The following MX2 variants were observed in gnomAD, a reference collection of about 807,000 sequenced individuals.
The protein encoded by MX2 is MX dynamin like GTPase 2, also known as interferon-induced GTP-binding protein Mx2.
MX2 carries 51 observed loss-of-function variants against 74.0 expected under a neutral mutation model. The observed-to-expected ratio is 0.69, with a 90% confidence interval of 0.55 to 0.87. The LOEUF (loss-of-function observed/expected upper bound fraction) is 0.87, where lower values mean the gene tolerates loss of function less well. Ranked by LOEUF, MX2 falls within the 40% of genes least tolerant of loss-of-function variation. The pLI is 0.00. For synonymous variants in MX2, 369 were observed against 339.3 expected (o/e 1.09, Z -0.96); for missense variants, 832 against 908.7 (o/e 0.92, Z 1.09).
intron 1 of MX2, chr21:41,373,886 C>G (rs559333364): frequency 3.3e-5 from 5 of 152,254 alleles, no homozygotes; most frequent in South Asian, 4.1e-4. Flanking sequence ...ACTGCACCCC[C>G]CTCCTAAACA....
intron 5 of MX2, among the ~76,000 whole-genome samples, chr21:41,386,067 G>A (rs980389929): frequency 3.3e-5 from 5 of 151,704 alleles, no homozygotes; most frequent in South Asian, 2.1e-4. Context: ...TTGAGAGGCC[G>A]AGGCGGGTAG....
intron 13 of MX2, among the ~76,000 whole-genome samples, chr21:41,407,353 A>G (rs2089900814): frequency 6.6e-6 from 1 of 152,226 alleles, no homozygotes; most frequent in Non-Finnish European, 1.5e-5. Context: ...TTGTGACTAT[A>G]AACTAGCTTT....
intron 1 of MX2, among the ~76,000 whole-genome samples, chr21:41,375,503 C>G (rs2089389031): frequency 6.6e-6 from 1 of 152,232 alleles, no homozygotes; most frequent in African/African-American, 2.4e-5. Flanking sequence ...AATCTGTGCT[C>G]TCCTCCCAGC....
Position 41,408,226 on chromosome 21 carries a change from T to A in MX2, c.2141T>A (p.Ile714Asn), listed in dbSNP as rs1482235126. 2 of 1,613,916 alleles carry A rather than the reference T, an allele frequency of 1.2e-6. No individual in the cohort carries two copies. The highest frequency in any genetic ancestry group is 8.5e-7 in the Non-Finnish European group (1 of 1,179,798). ...HALCQFSSKEIH is the reference protein window; with the variant it reads ...HALCQFSSKENH ...CTCTGTCAATTCTCCAGCAAAGAGA[T>A]CCACTGAAGGGCGGCGATGCCTGTG... The change falls in exon 14 of 14, where the codon ATC (isoleucine) becomes AAC (asparagine). Residue 714 changes from isoleucine (I) to asparagine (N), a missense_variant. By Grantham distance (149) the Ile-to-Asn change is moderately radical. Coordinates refer to ENST00000330714, the MANE Select transcript of MX2 (RefSeq NM_002463.2).
chr21:41,381,137 G>T (rs2838031), intron 4 of MX2, among the ~76,000 whole-genome samples: 1 of 152,120 alleles, frequency 6.6e-6, no homozygotes, highest in Admixed American at 6.5e-5. Context: ...TCCAATTTCC[G>T]TGTTCACCCC....
chr21:41,376,731 T>G, intron 1 of MX2, 105 bp from the exon 2 acceptor site: 2 of 781,086 alleles, frequency 2.6e-6, no homozygotes, highest in Non-Finnish European at 4.1e-6. Context: ...CATCTGTGTG[T>G]AGGGGGTAGG....
intron 6 of MX2, among the ~76,000 whole-genome samples, chr21:41,391,348 G>A (rs544150007): frequency 3.2e-4 from 48 of 151,082 alleles, no homozygotes; most frequent in Admixed American, 3.0e-3. Context: ...TCCTCTCATC[G>A]CCATAAACTC....
At chr21:41,376,690 C>G (rs1047066023) in intron 1 of MX2, 146 bp from the exon 2 acceptor site, 9 of 601,588 alleles carry the variant, frequency 1.5e-5, no homozygotes, top group African/African-American at 9.3e-5. Context: ...CTCCTGCAGA[C>G]AGGGGCCCTG....
intron 5 of MX2, chr21:41,389,872 T>C (rs1341398717): frequency 1.3e-5 from 2 of 152,246 alleles, no homozygotes; most frequent in African/African-American, 4.8e-5. Flanking sequence ...TGTGTTGTTG[T>C]TGAGAAAAAT....
At chr21:41,403,238 T>C in intron 11 of MX2, 29 bp from the exon 12 acceptor site, 1 of 1,508,958 alleles carries the variant, frequency 6.6e-7, no homozygotes, top group Non-Finnish European at 9.0e-7. Context: ...TGTTTTCTTC[T>C]TCTTCTCCTT....
In MX2 at chr21:41,407,532, A is replaced by G. The variant is rs117045322; in HGVS notation, c.1906-459A>G. ...GAAGAAAAAATAGCTTTTAAACTGC[A>G]AAGACACCCACCTCCCGAAGCCCTT... On this transcript the variant is annotated intron_variant, in intron 13 of 13. Transcript: ENST00000330714. Among the ~76,000 whole-genome samples the G allele has an allele frequency of 3.9e-5, 6 of 152,326 alleles. No individual in the cohort carries two copies. In the East Asian group the frequency reaches 7.7e-4, roughly 20 times the overall value.
chr21:41,381,527 T>C (rs1226249862), intron 4 of MX2, among the ~76,000 whole-genome samples: 1 of 151,382 alleles, frequency 6.6e-6, no homozygotes, highest in Non-Finnish European at 1.5e-5. Context: ...CTTCTAAAAA[T>C]ACAAAAAATT....
At chr21:41,372,658 C>A (rs2089340205) in intron 1 of MX2, among the ~76,000 whole-genome samples, 1 of 152,112 alleles carries the variant, frequency 6.6e-6, no homozygotes. Flanking sequence ...GTTACTGATC[C>A]CTTACTCATT....
chr21:41,378,182 G>T (rs1189871898), intron 3 of MX2, among the ~76,000 whole-genome samples: 3 of 124,376 alleles, frequency 2.4e-5, no homozygotes, highest in African/African-American at 1.2e-4. Flanking sequence ...TGGGAGACAG[G>T]CTGCTGGGAG....
In MX2 at chr21:41,366,700, C is replaced by G. The variant is rs892495382; in HGVS notation, c.-72+4645C>G. On this transcript the variant is annotated intron_variant, in intron 1 of 13. Coordinates refer to ENST00000330714, the MANE Select transcript of MX2 (RefSeq NM_002463.2). This position sits in a 1 kb window ranked among gnomAD's most constrained non-coding sequence, Gnocchi z 4.5. ...CCGTCTTCCTCCGCCCCATATTGTT[C>G]AGCCCTGGCACCCTGTGTTGTGCGT... The G allele has an allele frequency of 6.6e-6, 1 of 152,322 alleles. No homozygotes were observed. The highest frequency in any genetic ancestry group is 1.5e-5 in the Non-Finnish European group (1 of 68,128). 9.4% of individuals were successfully genotyped at this position (152,322 alleles called of 1,614,324 possible).
At chr21:41,370,175 TG>T (rs1292861818) in intron 1 of MX2, 2 of 152,232 alleles carry the variant, frequency 1.3e-5, no homozygotes, top group African/African-American at 4.8e-5. Context: ...GGGATAAGCC[TG>T]TGATAGCCGT....
chr21:41,377,271 G>C, intron 2 of MX2, 116 bp downstream of exon 2: 2 of 1,398,084 alleles, frequency 1.4e-6, no homozygotes, highest in Non-Finnish European at 2.0e-6. Context: ...CAGCACAGCT[G>C]ATGTCTCCAG....
At chr21:41,379,455 G>T (rs892152764) in intron 3 of MX2, among the ~76,000 whole-genome samples, 1 of 152,172 alleles carries the variant, frequency 6.6e-6, no homozygotes, top group Non-Finnish European at 1.5e-5. Flanking sequence ...GATTCCCCTT[G>T]CTCCTCCTTC....
At chr21:41,389,021 C>T (rs547515152) in intron 5 of MX2, among the ~76,000 whole-genome samples, 17 of 152,236 alleles carry the variant, frequency 1.1e-4, no homozygotes, top group Admixed American at 5.9e-4. Context: ...GCTGGAGAAC[C>T]CTGGGCTGTG....
Sources: allele counts gnomAD v4.1 joint callset (sites outside exome capture counted in the v4.1 genomes callset), GRCh38; gene constraint gnomAD v4.1.1; non-coding constraint Gnocchi (gnomAD v3.1); transcripts MANE v1.5; gene names NCBI Gene and HGNC (gene_info 2026-07-23, HGNC 2026-07-21).